Variants in CDH22 observed in about 807,000 individuals in gnomAD.
The protein encoded by CDH22 is cadherin 22.
In CDH22, 30 loss-of-function variants were observed where a neutral mutation model predicts 58.4. The observed-to-expected ratio is 0.51, with a 90% CI of 0.38 to 0.70. The LOEUF (loss-of-function observed/expected upper bound fraction) is 0.70. CDH22 is among the 30% of genes least tolerant of loss of function. The probability of loss-of-function intolerance (pLI) is 0.00; values close to 1 mark genes in which losing one functional copy is unlikely to be tolerated. For missense variants in CDH22, 1,014 were observed against 1,233.9 expected, an observed-to-expected ratio of 0.82 and a Z score of 2.67; for synonymous variants, 513 against 558.2, an observed-to-expected ratio of 0.92 and a Z score of 1.14.
chr20:46,174,848 G>A lies in CDH22; in HGVS notation c.2145C>T (p.Gly715=). The change falls in exon 12 of 12, where the codon GGC becomes GGT. Residue 715 remains glycine (G), a synonymous_variant. Transcript: ENST00000537909. This position sits in a 1 kb window ranked among gnomAD's most constrained non-coding sequence, Gnocchi z 4.4. Reference sequence around the variant, plus strand: ...CCTGCGGGGGGCTGCCCGCGCCCCCGCCCGAGCCCCCGCCCGCTCCCCCGC... The same window carrying A: ...CCTGCGGGGGGCTGCCCGCGCCCCCACCCGAGCCCCCGCCCGCTCCCCCGC... The part of the protein sequence containing the change: ...SAGGGAGGGS[G]GGAGSPPQAH... The A allele has an allele frequency of 8.3e-6, 4 of 484,618 alleles. No individual in the cohort carries two copies. The highest frequency in any genetic ancestry group is 3.8e-5 in the South Asian group (1 of 26,360). The allele number at this position is 484,618 out of a possible 1,614,324, so 30.0% of individuals were successfully genotyped here.
chr20:46,207,424 C>T (rs1301373551), intron 7 of CDH22, among the ~76,000 whole-genome samples: 3 of 152,168 alleles, frequency 2.0e-5, no homozygotes, highest in Non-Finnish European at 4.4e-5. Flanking sequence ...GCAGAATCCT[C>T]CTCCCCTCCC....
intron 1 of CDH22, among the ~76,000 whole-genome samples, chr20:46,277,679 T>C (rs2086526454): frequency 6.6e-6 from 1 of 151,630 alleles, no homozygotes; most frequent in South Asian, 2.1e-4. Flanking sequence ...CCCCCACTGG[T>C]CCAGTGCTGA....
At position 46,210,373 on chromosome 20, in the gene CDH22, G is replaced by T; in HGVS notation, c.1220C>A (p.Ala407Glu). The change falls in exon 7 of 12, where the codon GCG becomes GAG. Residue 407 changes from alanine (A) to glutamate (E), a missense_variant. By Grantham distance (107) the Ala-to-Glu change is moderately radical. Transcript: ENST00000537909. The surrounding 1 kb of genome is among the most constrained non-coding windows in gnomAD (Gnocchi z 4.5). ...PSGLLEVQEDAQVGSLVGVVT... is the reference protein window; with the variant it reads ...PSGLLEVQEDEQVGSLVGVVT... ...CACGCCGACCAGGGAGCCCACCTGC[G>T]CGTCCTCCTGCACCTCCAGGAGGCC... The T allele has an allele frequency of 6.8e-7, 1 of 1,481,054 alleles. No homozygotes were observed. Among genetic ancestry groups the T allele is most frequent in the Admixed American group, 2.4e-5 (1 of 41,328 alleles). The allele number at this position is 1,481,054 out of a possible 1,614,324, so 91.7% of individuals were successfully genotyped here.
intron 8 of CDH22, among the ~76,000 whole-genome samples, chr20:46,193,330 C>T (rs1466017167): frequency 6.6e-6 from 1 of 152,150 alleles, no homozygotes; most frequent in South Asian, 2.1e-4. Flanking sequence ...GAAGCAGCCC[C>T]TTCCATGCAG....
intron 1 of CDH22, among the ~76,000 whole-genome samples, chr20:46,252,353 G>A (rs564857570): frequency 8.5e-5 from 13 of 152,250 alleles, no homozygotes; most frequent in Non-Finnish European, 1.9e-4. Flanking sequence ...CTTGCCTCTG[G>A]TGCCTCCACA....
chr20:46,229,433 T>G (rs2086203586), intron 3 of CDH22, among the ~76,000 whole-genome samples: 1 of 152,062 alleles, frequency 6.6e-6, no homozygotes, highest in Non-Finnish European at 1.5e-5. Flanking sequence ...TCAGCACAAG[T>G]ACAGTGACTT....
intron 3 of CDH22, among the ~76,000 whole-genome samples, chr20:46,235,700 C>T (rs778304292): frequency 1.8e-4 from 27 of 152,308 alleles, no homozygotes; most frequent in Admixed American, 3.9e-4. Context: ...CCCTCACAAA[C>T]CCTGTTGGCT....
chr20:46,195,460 A>T (rs6032715), intron 8 of CDH22, among the ~76,000 whole-genome samples: 1 of 152,296 alleles, frequency 6.6e-6, no homozygotes, highest in East Asian at 1.9e-4. Flanking sequence ...CAGATGGGGA[A>T]GCTTCTGGCG....
chr20:46,283,705 A>C (rs1600726507), intron 1 of CDH22, among the ~76,000 whole-genome samples: 1 of 149,528 alleles, frequency 6.7e-6, no homozygotes, highest in African/African-American at 2.5e-5. Flanking sequence ...TTGGATGTCT[A>C]CCCTCCCCAC....
intron 3 of CDH22, among the ~76,000 whole-genome samples, chr20:46,230,425 T>G (rs1222262624): frequency 6.6e-6 from 1 of 151,936 alleles, no homozygotes; most frequent in Non-Finnish European, 1.5e-5. Context: ...CCCACAAAAC[T>G]CCTGAAAATC....
In CDH22 at chr20:46,251,434, C is replaced by CCGGA; in HGVS notation, c.-144_-141dup. 1 of 1,003,180 alleles carries CCGGA rather than the reference C, an allele frequency of 1.0e-6. No individual in the cohort carries two copies. Among genetic ancestry groups the CCGGA allele is most frequent in the Non-Finnish European group, 1.3e-6 (1 of 763,140 alleles). 62.1% of individuals were successfully genotyped at this position (1,003,180 alleles called of 1,614,324 possible). A position where few individuals can be genotyped will look rare whatever the true frequency, so the allele number is the denominator to read the frequency against. On this transcript the variant is annotated 5_prime_UTR_variant, in exon 2 of 12. The change abolishes the stop of an existing upstream ORF in the 5' untranslated region. Coordinates refer to ENST00000537909, the MANE Select transcript of CDH22 (RefSeq NM_021248.3). This position sits in a 1 kb window ranked among gnomAD's most constrained non-coding sequence, Gnocchi z 6.7. Reference sequence around the variant, plus strand: ...CGGGATGTCGCCCCCGACGGGGCACCCGGACGGGCCCGCGGCCCTGAACGC... The same window carrying CCGGA: ...CGGGATGTCGCCCCCGACGGGGCACCCGGACGGACGGGCCCGCGGCCCTGAACGC...
In CDH22 at chr20:46,241,077, G is replaced by T. The variant is rs368116505; in HGVS notation, c.436C>A (p.Arg146Ser). ...AACTCCGACTCGGGCTCCAGTAGGC[G>T]GTTGGTGGCGCGATCCCGAGCCTGG... ...RAQARDRATN[R>S]LLEPESEFII... Residue 146 changes from arginine (R) to serine (S), a missense_variant, in exon 3 of 12, where the codon CGC becomes AGC. Around this residue, in one of 2 missense-constraint regions of CDH22, gnomAD observed 806 missense variants for 1,038.7 expected, o/e 0.78. Transcript: ENST00000537909. The surrounding 1 kb of genome is among the most constrained non-coding windows in gnomAD (Gnocchi z 5.2). 1 of 1,614,182 alleles carries T rather than the reference G, an allele frequency of 6.2e-7. No homozygotes were observed. The highest frequency in any genetic ancestry group is 8.5e-7 in the Non-Finnish European group (1 of 1,180,028).
intron 10 of CDH22, among the ~76,000 whole-genome samples, chr20:46,182,610 C>T (rs2085797615): frequency 6.6e-6 from 1 of 152,192 alleles, no homozygotes; most frequent in African/African-American, 2.4e-5. Context: ...ACCCTGAATG[C>T]ATCAAGCTGC....
intron 1 of CDH22, among the ~76,000 whole-genome samples, chr20:46,292,741 C>T (rs2086610052): frequency 6.6e-6 from 1 of 152,162 alleles, no homozygotes; most frequent in African/African-American, 2.4e-5. Context: ...TGCGTTGGTT[C>T]ATGCTGCCCC....
Position 46,304,239 on chromosome 20 carries a change from G to C in CDH22, c.-400+4016C>G, listed in dbSNP as rs6104542. Among the ~76,000 whole-genome samples the C allele has an allele frequency of 9.7e-3, 1,480 of 152,250 alleles. 20 individuals carry two copies. The highest frequency in any genetic ancestry group is 0.033 in the African/African-American group (1,391 of 41,534). On this transcript the variant is annotated intron_variant, in intron 1 of 11. Transcript: ENST00000537909. The stretch of plus-strand genomic sequence containing the variant: ...GAGATCATGTGCAAAACCAAACAAG[G>C]AGGAACTGCTGCATTTACCCCATGG...
intron 8 of CDH22, among the ~76,000 whole-genome samples, chr20:46,194,027 A>C (rs893844687): frequency 4.6e-5 from 7 of 152,114 alleles, no homozygotes; most frequent in Non-Finnish European, 8.8e-5. Flanking sequence ...CACACACACA[A>C]AAACAAAAAA....
intron 1 of CDH22, among the ~76,000 whole-genome samples, chr20:46,290,987 A>G (rs1202344972): frequency 1.3e-5 from 2 of 152,180 alleles, no homozygotes; most frequent in Non-Finnish European, 2.9e-5. Context: ...AATTCAAATA[A>G]TAACAGCTGG....
intron 7 of CDH22, among the ~76,000 whole-genome samples, chr20:46,208,803 G>T (rs2145684714): frequency 6.6e-6 from 1 of 152,252 alleles, no homozygotes; most frequent in East Asian, 1.9e-4. Context: ...ATGTTGGTCA[G>T]GCTGGTCTCA....
chr20:46,258,482 T>C (rs1280894364), intron 1 of CDH22, among the ~76,000 whole-genome samples: 1 of 152,150 alleles, frequency 6.6e-6, no homozygotes, highest in East Asian at 1.9e-4. Context: ...CTCATCCCCA[T>C]GTGCCCAGAC....
Sources: allele counts gnomAD v4.1 joint callset (sites outside exome capture counted in the v4.1 genomes callset), GRCh38; gene constraint gnomAD v4.1.1; regional missense constraint gnomAD v4.1.1; non-coding constraint Gnocchi (gnomAD v3.1); transcripts MANE v1.5; gene names NCBI Gene and HGNC (gene_info 2026-07-23, HGNC 2026-07-21).